The following ELAPOR2 variants were observed in gnomAD, a reference collection of about 807,000 sequenced individuals.
ELAPOR2 encodes endosome/lysosome-associated apoptosis and autophagy regulator family member 2.
In ELAPOR2, 89 loss-of-function variants were observed where a neutral mutation model predicts 120.7. The ratio of observed to expected loss-of-function variants is 0.74; its 90% confidence interval spans 0.62 to 0.88. ELAPOR2 has a LOEUF of 0.88. ELAPOR2 is among the 40% of genes least tolerant of loss of function. The pLI, the probability that ELAPOR2 is intolerant of heterozygous loss-of-function variation, is 0.00. For missense variants in ELAPOR2, 1,134 were observed against 1,251.6 expected (o/e 0.91, Z 1.42); for synonymous variants, 444 against 444.9 (o/e 1.00, Z 0.03).
At chr7:86,895,216 T>TA (rs1049092178) in intron 19 of ELAPOR2, among the ~76,000 whole-genome samples, 31 of 152,128 alleles carry the variant, frequency 2.0e-4, no homozygotes, top group Admixed American at 6.5e-4. Flanking sequence ...TCACTGACAA[T>TA]AAAAAATGCA....
intron 15 of ELAPOR2, 183 bp downstream of exon 15, chr7:86,911,889 G>A (rs1434789896): frequency 1.6e-6 from 1 of 625,974 alleles, no homozygotes; most frequent in Non-Finnish European, 2.8e-6. Flanking sequence ...ACCAGACAAG[G>A]TTGCCCCTGG....
intron 1 of ELAPOR2, among the ~76,000 whole-genome samples, chr7:86,990,192 ACC>A (rs1457023245): frequency 4.6e-5 from 7 of 151,960 alleles, no homozygotes; most frequent in African/African-American, 1.7e-4. Flanking sequence ...GACTACAGGC[ACC>A]TGCCACCACG....
chr7:86,936,007 G>A (rs999016320), intron 8 of ELAPOR2, among the ~76,000 whole-genome samples: 8 of 151,976 alleles, frequency 5.3e-5, no homozygotes, highest in African/African-American at 9.6e-5. Context: ...ATGTCATGTC[G>A]ATGGTAATGT....
intron 1 of ELAPOR2, among the ~76,000 whole-genome samples, chr7:86,979,146 A>C (rs1792376064): frequency 6.6e-6 from 1 of 152,360 alleles, no homozygotes; most frequent in South Asian, 2.1e-4. Flanking sequence ...TAAAGATTGC[A>C]CAATGATGCA....
chr7:86,971,525 T>C (rs1792107680), intron 1 of ELAPOR2, among the ~76,000 whole-genome samples: 1 of 152,180 alleles, frequency 6.6e-6, no homozygotes, highest in East Asian at 1.9e-4. Flanking sequence ...TATCTTATTG[T>C]ATAAGACAGA....
At chr7:86,996,892 G>C (rs1041346477) in intron 1 of ELAPOR2, among the ~76,000 whole-genome samples, 4 of 152,200 alleles carry the variant, frequency 2.6e-5, no homozygotes, top group East Asian at 1.9e-4. Context: ...AGAAGCCCAG[G>C]ACCAGCACCT....
chr7:86,993,218 G>A (rs1329926701), intron 1 of ELAPOR2, among the ~76,000 whole-genome samples: 2 of 119,496 alleles, frequency 1.7e-5, no homozygotes, highest in African/African-American at 7.0e-5. Flanking sequence ...CCTGATGACA[G>A]AGCGAGACTC....
intron 1 of ELAPOR2, among the ~76,000 whole-genome samples, chr7:87,045,786 T>C (rs1251475284): frequency 1.3e-5 from 2 of 150,318 alleles, no homozygotes; most frequent in African/African-American, 2.4e-5. Context: ...AAAATATATA[T>C]AAAAAAAGGA....
At chr7:86,953,204 G>A (rs1302754798) in intron 2 of ELAPOR2, among the ~76,000 whole-genome samples, 1 of 151,750 alleles carries the variant, frequency 6.6e-6, no homozygotes, top group Admixed American at 6.6e-5. Context: ...GATTAATTAT[G>A]CAGTCAAATT....
chr7:86,967,465 A>T (rs1791951798), intron 1 of ELAPOR2, among the ~76,000 whole-genome samples: 1 of 152,168 alleles, frequency 6.6e-6, no homozygotes, highest in Admixed American at 6.5e-5. Context: ...TCTCAAAAAT[A>T]AAATAAAATA....
chr7:86,891,570 C>T lies in ELAPOR2; in HGVS notation c.3030+154G>A, dbSNP rs1378712995. On this transcript the variant is annotated intron_variant, in intron 21 of 21. Coordinates refer to ENST00000450689, the MANE Select transcript of ELAPOR2 (RefSeq NM_001142749.3). ...AATGCTGCAGTGAATATTATTGTAT[C>T]TATATCATGTGCTTCTAAGAGTATT... 1.9e-5 allele frequency: 11 copies of T among 574,334 alleles called. No homozygotes were observed. In the East Asian group the frequency reaches 3.2e-4, roughly 17 times the overall value. 35.6% of individuals were successfully genotyped at this position (574,334 alleles called of 1,614,324 possible). A position where few individuals can be genotyped will look rare whatever the true frequency, so the allele number is the denominator to read the frequency against.
Position 86,912,204 on chromosome 7 carries a change from T to A in ELAPOR2, c.2037A>T (p.Glu679Asp). 2 of 1,607,672 alleles carry A rather than the reference T, an allele frequency of 1.2e-6. No individual in the cohort carries two copies. Among genetic ancestry groups the A allele is most frequent in the Non-Finnish European group, 8.5e-7 (1 of 1,174,740 alleles). ...VCYSDCFFYH[E>D]KENQSLHYDF... ...CATAGTGCAAACTCTGATTTTCTTT[T>A]TCATGGTAGAAAAAGCAGTCACTAT... Residue 679 changes from glutamate to aspartate, a missense_variant, in exon 15 of 22, where the codon GAA (glutamate) becomes GAT (aspartate). Around this residue, in one of 3 missense-constraint regions of ELAPOR2, gnomAD observed 831 missense variants for 867.6 expected, o/e 0.96. Transcript: ENST00000450689.
At chr7:86,972,701 T>TACC (rs141991108) in intron 1 of ELAPOR2, among the ~76,000 whole-genome samples, 2,529 of 151,370 alleles carry the variant, frequency 0.017, 56 homozygotes, top group African/African-American at 0.056. Flanking sequence ...CAAGTCAAGC[T>TACC]ACCTCCAATG....
intron 1 of ELAPOR2, among the ~76,000 whole-genome samples, chr7:87,026,148 G>A (rs1794236535): frequency 6.6e-6 from 1 of 152,082 alleles, no homozygotes; most frequent in Non-Finnish European, 1.5e-5. Flanking sequence ...AGAAAGTAAG[G>A]GGGAAAGCTG....
intron 1 of ELAPOR2, among the ~76,000 whole-genome samples, chr7:86,974,029 G>T (rs1792192397): frequency 6.6e-6 from 1 of 151,814 alleles, no homozygotes; most frequent in South Asian, 2.1e-4. Context: ...ACGTAACTGG[G>T]TAATAGTAAT....
intron 7 of ELAPOR2, among the ~76,000 whole-genome samples, chr7:86,938,432 A>G (rs1160839564): frequency 6.6e-6 from 1 of 152,104 alleles, no homozygotes; most frequent in Non-Finnish European, 1.5e-5. Flanking sequence ...AGTATATCAC[A>G]GTTTTTCCCA....
chr7:86,935,322 A>G lies in ELAPOR2; in HGVS notation c.1089+2804T>C, dbSNP rs1790516994. On this transcript the variant is annotated intron_variant, in intron 8 of 21. Transcript: ENST00000450689. ...CACATCCTTTTAGTTCTTCAAATAC[A>G]CTATGCTCCTTCCCATGTCAGGTCT... Among the ~76,000 whole-genome samples, 2 of 152,104 alleles carry G rather than the reference A, an allele frequency of 1.3e-5. 1 individual carries two copies. Among genetic ancestry groups the G allele is most frequent in the Non-Finnish European group, 2.9e-5 (2 of 67,948 alleles).
intron 1 of ELAPOR2, among the ~76,000 whole-genome samples, chr7:87,006,391 G>A (rs1793476440): frequency 6.6e-6 from 1 of 151,868 alleles, no homozygotes; most frequent in Non-Finnish European, 1.5e-5. Context: ...GGGGGCTAGG[G>A]GAGGGATAGC....
intron 11 of ELAPOR2, 127 bp from the exon 12 acceptor site, chr7:86,918,671 C>T: frequency 1.6e-6 from 1 of 629,238 alleles, no homozygotes; most frequent in Non-Finnish European, 2.8e-6. Context: ...CCACTTCCCT[C>T]ACCCACAACT....
Sources: gnomAD v4.1 joint callset for allele counts (sites outside exome capture counted in the v4.1 genomes callset) on GRCh38, gnomAD v4.1.1 for gene constraint, gnomAD v4.1.1 regional missense constraint, MANE v1.5 for transcripts, NCBI Gene and HGNC (gene_info 2026-07-23, HGNC 2026-07-21) for gene names.